The following NKAIN2 variants were observed in gnomAD, a reference collection of about 807,000 sequenced individuals.
NKAIN2 encodes the protein sodium/potassium-transporting ATPase subunit beta-1-interacting protein 2.
A neutral mutation model predicts 32.6 loss-of-function variants in NKAIN2; 14 were observed. The observed-to-expected ratio is 0.43, with a 90% confidence interval of 0.28 to 0.67. The LOEUF is 0.67. NKAIN2 is among the 30% of genes least tolerant of loss of function. The probability of loss-of-function intolerance (pLI) is 0.17; values close to 1 mark genes in which losing one functional copy is unlikely to be tolerated. For missense variants in NKAIN2, 198 were observed against 258.3 expected, an observed-to-expected ratio of 0.77 and a Z score of 1.60; for synonymous variants, 80 against 87.2, an observed-to-expected ratio of 0.92 and a Z score of 0.46.
chr6:123,804,553 A>T (rs1482056197), intron 1 of NKAIN2, among the ~76,000 whole-genome samples: 1 of 152,144 alleles, frequency 6.6e-6, no homozygotes, highest in Non-Finnish European at 1.5e-5. Context: ...TATGCTTTGC[A>T]TTCCTATTCA....
intron 1 of NKAIN2, among the ~76,000 whole-genome samples, chr6:124,273,131 GTT>G (rs2114884924): frequency 6.6e-6 from 1 of 152,260 alleles, no homozygotes; most frequent in African/African-American, 2.4e-5. Context: ...GTCATGATCT[GTT>G]TTGAAATATG....
chr6:124,474,833 C>CATATATTATACATATATATTTTAT (rs1562207570), intron 3 of NKAIN2, among the ~76,000 whole-genome samples: 1 of 100,782 alleles, frequency 9.9e-6, no homozygotes, highest in Non-Finnish European at 2.0e-5. Flanking sequence ...ATATATTTTA[C>CATATATTATACATATATATTTTAT]ATACATATAT....
At chr6:124,342,374 A>C (rs940395392) in intron 2 of NKAIN2, among the ~76,000 whole-genome samples, 2 of 149,764 alleles carry the variant, frequency 1.3e-5, no homozygotes, top group Non-Finnish European at 3.0e-5. Flanking sequence ...GCCCCACTGC[A>C]CTCCAGTCTG....
At chr6:124,586,005 T>A (rs1284733613) in intron 3 of NKAIN2, among the ~76,000 whole-genome samples, 1 of 152,220 alleles carries the variant, frequency 6.6e-6, no homozygotes, top group Non-Finnish European at 1.5e-5. Flanking sequence ...CATTTAAGTC[T>A]ATGATTTATT....
chr6:124,447,926 G>A (rs1775960727), intron 3 of NKAIN2, among the ~76,000 whole-genome samples: 1 of 152,036 alleles, frequency 6.6e-6, no homozygotes, highest in African/African-American at 2.4e-5. Flanking sequence ...GTTGCCCTTT[G>A]CACTAGAGTA....
intron 1 of NKAIN2, among the ~76,000 whole-genome samples, chr6:124,025,189 A>G (rs1781049136): frequency 6.6e-6 from 1 of 152,164 alleles, no homozygotes; most frequent in Non-Finnish European, 1.5e-5. Context: ...TATTGTACCT[A>G]AGTCACTAAT....
chr6:123,918,320 G>T (rs937974257), intron 1 of NKAIN2, among the ~76,000 whole-genome samples: 12 of 152,286 alleles, frequency 7.9e-5, no homozygotes, highest in African/African-American at 2.9e-4. Context: ...ATAGCTATAT[G>T]CTTTACATTG....
chr6:124,636,906 G>C (rs1447513485), intron 3 of NKAIN2, among the ~76,000 whole-genome samples: 1 of 151,900 alleles, frequency 6.6e-6, no homozygotes, highest in East Asian at 1.9e-4. Context: ...GCATTACCCT[G>C]GTACCAAAAC....
At chr6:124,547,482 T>TAC (rs1780137072) in intron 3 of NKAIN2, among the ~76,000 whole-genome samples, 1 of 152,188 alleles carries the variant, frequency 6.6e-6, no homozygotes, top group Non-Finnish European at 1.5e-5. Flanking sequence ...CAATTATAAA[T>TAC]ACATACAGAA....
chr6:124,152,901 G>A (rs1299157729), intron 1 of NKAIN2, among the ~76,000 whole-genome samples: 3 of 151,862 alleles, frequency 2.0e-5, no homozygotes, highest in Admixed American at 2.0e-4. Flanking sequence ...AAACTAAGCA[G>A]AGAAAGATGA....
intron 4 of NKAIN2, chr6:124,658,734 T>C: frequency 2.4e-6 from 1 of 421,252 alleles, no homozygotes; most frequent in Non-Finnish European, 4.2e-6. Flanking sequence ...CTCAAAATTA[T>C]AAGATTTCCA....
chr6:123,909,273 CCA>C (rs555437533), intron 1 of NKAIN2, among the ~76,000 whole-genome samples: 50 of 152,138 alleles, frequency 3.3e-4, no homozygotes, highest in South Asian at 6.2e-4. Context: ...CCTCTGTCTC[CCA>C]CACACACTCT....
intron 1 of NKAIN2, among the ~76,000 whole-genome samples, chr6:124,004,862 A>T (rs3927866): frequency 0.52 from 76,904 of 146,774 alleles, 20,886 homozygotes; most frequent in African/African-American, 0.68. Flanking sequence ...AGGTGTAATT[A>T]AAAAAAAAAA....
At chr6:124,412,016 T>C (rs1477610713) in intron 3 of NKAIN2, among the ~76,000 whole-genome samples, 1 of 152,234 alleles carries the variant, frequency 6.6e-6, no homozygotes, top group Non-Finnish European at 1.5e-5. Context: ...TCTCGTGCCG[T>C]GGTTTTCAGC....
At chr6:123,925,939 A>G (rs1346324247) in intron 1 of NKAIN2, among the ~76,000 whole-genome samples, 1 of 152,220 alleles carries the variant, frequency 6.6e-6, no homozygotes, top group Non-Finnish European at 1.5e-5. Context: ...TGAGAAGTCC[A>G]GGATCAAGGT....
At chr6:124,775,957 A>G (rs796226747) in intron 4 of NKAIN2, among the ~76,000 whole-genome samples, 6 of 152,294 alleles carry the variant, frequency 3.9e-5, no homozygotes, top group African/African-American at 1.4e-4. Context: ...AAAGTTTGTC[A>G]TTGTACAGCA....
intron 1 of NKAIN2, among the ~76,000 whole-genome samples, chr6:123,934,374 C>A (rs911554987): frequency 6.6e-6 from 1 of 152,052 alleles, no homozygotes; most frequent in Non-Finnish European, 1.5e-5. Flanking sequence ...ATTATGCTAT[C>A]ATTTCTCTTA....
At chr6:124,074,975 A>G (rs1783626033) in intron 1 of NKAIN2, among the ~76,000 whole-genome samples, 1 of 152,212 alleles carries the variant, frequency 6.6e-6, no homozygotes, top group Non-Finnish European at 1.5e-5. Context: ...GACATATAAC[A>G]TACTTACGTT....
intron 2 of NKAIN2, among the ~76,000 whole-genome samples, chr6:124,333,686 CATAA>C (rs1280809592): frequency 8.9e-6 from 1 of 111,742 alleles, no homozygotes; most frequent in Admixed American, 1.0e-4. Flanking sequence ...TAAATAAATA[CATAA>C]ATAAATAAAA....
Sources: allele counts gnomAD v4.1 joint callset (sites outside exome capture counted in the v4.1 genomes callset), GRCh38; gene constraint gnomAD v4.1.1; transcripts MANE v1.5; gene names NCBI Gene and HGNC (gene_info 2026-07-23, HGNC 2026-07-21).